Variants in HCN1 observed in about 807,000 individuals in gnomAD.
The protein encoded by HCN1 is hyperpolarization activated cyclic nucleotide gated potassium channel 1.
Under a neutral mutation model 78.9 loss-of-function variants are expected in HCN1, and 13 were observed. The observed-to-expected ratio is 0.16, with a 90% CI of 0.11 to 0.26. The LOEUF (loss-of-function observed/expected upper bound fraction) is 0.26, where lower values mean the gene tolerates loss of function less well. HCN1 is among the 10% of genes least tolerant of loss of function. The pLI, the probability that HCN1 is intolerant of heterozygous loss-of-function variation, is 1.00. For missense variants in HCN1, 810 were observed against 1,154.3 expected, an observed-to-expected ratio of 0.70 and a Z score of 4.32; for synonymous variants, 552 against 455.5, an observed-to-expected ratio of 1.21 and a Z score of -2.70.
chr5:45,394,116 T>C (rs1739638680), intron 4 of HCN1, among the ~76,000 whole-genome samples: 1 of 152,138 alleles, frequency 6.6e-6, no homozygotes, highest in African/African-American at 2.4e-5. Context: ...TTAAGGATCT[T>C]TGAAATAAGC....
At chr5:45,434,110 C>T (rs1177280627) in intron 3 of HCN1, among the ~76,000 whole-genome samples, 1 of 152,192 alleles carries the variant, frequency 6.6e-6, no homozygotes, top group Non-Finnish European at 1.5e-5. Flanking sequence ...TCAAAGATTG[C>T]TTTTCACTTC....
At chr5:45,263,265 C>T (rs375669723) in intron 7 of HCN1, among the ~76,000 whole-genome samples, 8 of 151,940 alleles carry the variant, frequency 5.3e-5, no homozygotes, top group Admixed American at 2.0e-4. Flanking sequence ...TTATGTAACC[C>T]GCGACCCTGT....
At chr5:45,279,472 G>T (rs142975135) in intron 6 of HCN1, among the ~76,000 whole-genome samples, 2 of 152,018 alleles carry the variant, frequency 1.3e-5, no homozygotes, top group African/African-American at 4.8e-5. Flanking sequence ...TTTCCAAAAA[G>T]ATAAAAGTTA....
rs370732872 is a variant in HCN1 at position 45,584,992 on chromosome 5, C to T, written c.849+60193G>A. ...TCCTTCATTTCAACTTTGGTGAATC[C>T]GACAATTATGTGTCTTGGAGTTGCT... On this transcript the variant is annotated intron_variant, in intron 2 of 7. Coordinates refer to ENST00000303230, the MANE Select transcript of HCN1 (RefSeq NM_021072.4). 4.8e-4 allele frequency among the ~76,000 whole-genome samples: 73 copies of T among 152,180 alleles called. No homozygotes were observed. In the East Asian group the frequency reaches 6.4e-3, roughly 13 times the overall value.
intron 4 of HCN1, among the ~76,000 whole-genome samples, chr5:45,387,805 C>A (rs936325960): frequency 6.6e-6 from 1 of 152,084 alleles, no homozygotes; most frequent in Non-Finnish European, 1.5e-5. Flanking sequence ...AAACCCTATA[C>A]ATATACTATG....
chr5:45,419,258 G>A (rs1579881458), intron 3 of HCN1, among the ~76,000 whole-genome samples: 1 of 152,156 alleles, frequency 6.6e-6, no homozygotes, highest in Admixed American at 6.6e-5. Context: ...CCAAGTAACT[G>A]CTTACCCAGT....
At chr5:45,606,390 G>T (rs1744727897) in intron 2 of HCN1, among the ~76,000 whole-genome samples, 1 of 151,880 alleles carries the variant, frequency 6.6e-6, no homozygotes, top group South Asian at 2.1e-4. Context: ...GAAAAAAAGA[G>T]AATATGATTT....
intron 2 of HCN1, among the ~76,000 whole-genome samples, chr5:45,523,580 T>C (rs1742663212): frequency 6.6e-6 from 1 of 152,168 alleles, no homozygotes; most frequent in Non-Finnish European, 1.5e-5. Context: ...TATCTCATTG[T>C]GGTTTTGATT....
At chr5:45,433,599 G>A (rs1740507052) in intron 3 of HCN1, among the ~76,000 whole-genome samples, 1 of 152,064 alleles carries the variant, frequency 6.6e-6, no homozygotes, top group Non-Finnish European at 1.5e-5. Flanking sequence ...GATATATGCA[G>A]ATACATTCCT....
intron 2 of HCN1, among the ~76,000 whole-genome samples, chr5:45,514,353 C>T (rs1018490224): frequency 6.6e-6 from 1 of 152,050 alleles, no homozygotes; most frequent in Non-Finnish European, 1.5e-5. Context: ...ATGAAAATAA[C>T]CTCCAAAGCC....
rs955267493 is a variant in HCN1 at position 45,262,623 on chromosome 5, G to A, written c.1971C>T (p.Thr657=). The A allele has an allele frequency of 3.7e-6, 6 of 1,613,964 alleles. No individual in the cohort carries two copies. Among genetic ancestry groups the A allele is most frequent in the African/African-American group, 1.3e-5 (1 of 74,990 alleles). The change falls in exon 8 of 8, where the codon ACC becomes ACT. Residue 657 remains threonine (T), a synonymous_variant. Transcript: ENST00000303230. ...LNSTSSTTTP[T]SRMRTQSPPV... ...GTGGAGATTGTGTCCTCATGCGGGAGGTCGGGGTCGTAGTAGACGATGTGG... is the reference window on the plus strand; with the variant it reads ...GTGGAGATTGTGTCCTCATGCGGGAAGTCGGGGTCGTAGTAGACGATGTGG...
intron 5 of HCN1, among the ~76,000 whole-genome samples, chr5:45,335,743 T>A (rs1341504691): frequency 6.6e-6 from 1 of 152,138 alleles, no homozygotes; most frequent in African/African-American, 2.4e-5. Context: ...CCAGGCACTT[T>A]TCTGCATTTT....
At chr5:45,558,625 C>A (rs780552044) in intron 2 of HCN1, 1 of 152,216 alleles carries the variant, frequency 6.6e-6, no homozygotes, top group Non-Finnish European at 1.5e-5. Flanking sequence ...GCTTATGCAA[C>A]TGGTGAACCT....
chr5:45,387,413 C>T (rs1002345590), intron 4 of HCN1, among the ~76,000 whole-genome samples: 1 of 151,848 alleles, frequency 6.6e-6, no homozygotes, highest in Non-Finnish European at 1.5e-5. Flanking sequence ...GATCAGATTA[C>T]AATTGAAAAT....
chr5:45,442,515 TTAAA>T (rs1199403384), intron 3 of HCN1, among the ~76,000 whole-genome samples: 1 of 151,238 alleles, frequency 6.6e-6, no homozygotes, highest in Admixed American at 6.6e-5. Context: ...AGTATATATA[TTAAA>T]TAATATAAAA....
intron 6 of HCN1, among the ~76,000 whole-genome samples, chr5:45,274,689 T>TAAC (rs1730596378): frequency 6.6e-6 from 1 of 152,208 alleles, no homozygotes; most frequent in South Asian, 2.1e-4. Context: ...TTGTGATATA[T>TAAC]AACTATCATC....
At chr5:45,263,255 T>G (rs1468875941) in intron 7 of HCN1, among the ~76,000 whole-genome samples, 1 of 152,134 alleles carries the variant, frequency 6.6e-6, no homozygotes, top group Non-Finnish European at 1.5e-5. Context: ...GTAGATGATT[T>G]TATGTAACCC....
At chr5:45,484,285 A>T (rs1741714802) in intron 2 of HCN1, among the ~76,000 whole-genome samples, 1 of 152,102 alleles carries the variant, frequency 6.6e-6, no homozygotes, top group Non-Finnish European at 1.5e-5. Context: ...ATACAAAAAA[A>T]TTAGCCAGGC....
chr5:45,283,254 T>C (rs1339300476), intron 6 of HCN1, among the ~76,000 whole-genome samples: 2 of 152,058 alleles, frequency 1.3e-5, no homozygotes, highest in Admixed American at 1.3e-4. Flanking sequence ...ATGACAAAGA[T>C]GCCAAAAGCA....
Sources: gnomAD v4.1 joint callset for allele counts (sites outside exome capture counted in the v4.1 genomes callset) on GRCh38, gnomAD v4.1.1 for gene constraint, MANE v1.5 for transcripts, NCBI Gene and HGNC (gene_info 2026-07-23, HGNC 2026-07-21) for gene names.